The following DPYD variants were observed in gnomAD, a reference collection of about 807,000 sequenced individuals.
DPYD encodes dihydropyrimidine dehydrogenase [NADP(+)].
A neutral mutation model predicts 116.2 loss-of-function variants in DPYD; 109 were observed. That is an observed-to-expected ratio of 0.94 (90% CI 0.80 to 1.10). The LOEUF (loss-of-function observed/expected upper bound fraction) is 1.10, where lower values mean the gene tolerates loss of function less well. Ranked by LOEUF, DPYD falls within the 50% of genes least tolerant of loss-of-function variation. DPYD has a pLI of 0.00. For missense variants in DPYD, 1,302 were observed against 1,254.5 expected (o/e 1.04, Z -0.57); for synonymous variants, 440 against 432.0 (o/e 1.02, Z -0.23).
At chr1:97,476,809 A>T (rs1677993215) in intron 13 of DPYD, among the ~76,000 whole-genome samples, 3 of 152,352 alleles carry the variant, frequency 2.0e-5, no homozygotes, top group Admixed American at 1.3e-4. Context: ...AGACCATCAC[A>T]ATCAAGTGAA....
intron 20 of DPYD, among the ~76,000 whole-genome samples, chr1:97,155,999 T>G (rs1308842958): frequency 1.4e-5 from 1 of 73,864 alleles, no homozygotes; most frequent in Non-Finnish European, 2.3e-5. Flanking sequence ...TTCAACAACC[T>G]CTGGTGATGA....
chr1:97,906,474 G>C (rs931702366), intron 1 of DPYD, among the ~76,000 whole-genome samples: 1 of 151,972 alleles, frequency 6.6e-6, no homozygotes, highest in East Asian at 1.9e-4. Context: ...TTTCTAACCA[G>C]ACTCTAAGTG....
chr1:97,798,941 C>G lies in DPYD; in HGVS notation c.233+29173G>C, dbSNP rs912729492. Among the ~76,000 whole-genome samples, 15 of 152,040 alleles carry G rather than the reference C, an allele frequency of 9.9e-5. No individual in the cohort carries two copies. The East Asian group carries it at 2.9e-3, about 29-fold the overall frequency. On this transcript the variant is annotated intron_variant, in intron 3 of 22. Coordinates refer to ENST00000370192, the MANE Select transcript of DPYD (RefSeq NM_000110.4). ...GACAGGAGTATAAAGTCCAGCCTTG[C>G]CACTTATGAGACTCCCATCTTCAAA... is the stretch of plus-strand genomic sequence containing the variant.
At chr1:97,085,210 GA>G (rs1413813704) in intron 21 of DPYD, among the ~76,000 whole-genome samples, 2 of 152,128 alleles carry the variant, frequency 1.3e-5, no homozygotes, top group Admixed American at 1.3e-4. Context: ...CACTGAATCA[GA>G]TAATGGTGAC....
intron 20 of DPYD, among the ~76,000 whole-genome samples, chr1:97,153,141 C>T (rs1306690371): frequency 6.6e-6 from 1 of 151,970 alleles, no homozygotes; most frequent in Non-Finnish European, 1.5e-5. Flanking sequence ...TTCTCTGTAG[C>T]TTAATATGAG....
intron 19 of DPYD, among the ~76,000 whole-genome samples, chr1:97,201,368 T>C (rs762800516): frequency 7.9e-5 from 12 of 152,150 alleles, no homozygotes; most frequent in Non-Finnish European, 1.5e-4. Context: ...AATCAATAAT[T>C]ACTCACGGAA....
At chr1:97,490,473 T>C (rs1678912309) in intron 13 of DPYD, among the ~76,000 whole-genome samples, 1 of 87,942 alleles carries the variant, frequency 1.1e-5, no homozygotes, top group Non-Finnish European at 2.3e-5. Flanking sequence ...TATACTATAA[T>C]AGTATATTGT....
At chr1:97,812,428 A>G (rs568940809) in intron 3 of DPYD, among the ~76,000 whole-genome samples, 4 of 152,234 alleles carry the variant, frequency 2.6e-5, no homozygotes, top group East Asian at 1.9e-4. Flanking sequence ...AAAATATTCA[A>G]TCTGAATCAT....
At chr1:97,547,002 G>T in intron 12 of DPYD, 2 of 1,563,286 alleles carry the variant, frequency 1.3e-6, no homozygotes, top group South Asian at 2.2e-5. Flanking sequence ...GCACATATTT[G>T]CAATTTTTTG....
intron 14 of DPYD, among the ~76,000 whole-genome samples, chr1:97,427,231 G>C (rs191055393): frequency 5.3e-5 from 8 of 151,856 alleles, no homozygotes; most frequent in Admixed American, 5.3e-4. Flanking sequence ...ATATTTGTTG[G>C]TACTATCCAT....
chr1:97,679,310 T>G (rs1360073254), intron 7 of DPYD, 128 bp from the exon 8 acceptor site: 1 of 569,304 alleles, frequency 1.8e-6, no homozygotes, highest in Non-Finnish European at 3.2e-6. Flanking sequence ...TGTGACAACA[T>G]TTTTGTCTTT....
chr1:97,096,518 G>T (rs1650258479), intron 21 of DPYD, among the ~76,000 whole-genome samples: 1 of 152,146 alleles, frequency 6.6e-6, no homozygotes, highest in African/African-American at 2.4e-5. Context: ...CCTGGGTCCA[G>T]TGGGACTTGG....
intron 16 of DPYD, among the ~76,000 whole-genome samples, chr1:97,362,553 TATTA>T (rs1183548381): frequency 6.6e-6 from 1 of 152,154 alleles, no homozygotes; most frequent in Non-Finnish European, 1.5e-5. Flanking sequence ...CTTCAAACTC[TATTA>T]CAAGGCTACA....
intron 16 of DPYD, among the ~76,000 whole-genome samples, chr1:97,342,032 A>G (rs1274531741): frequency 6.6e-6 from 1 of 152,216 alleles, no homozygotes; most frequent in Admixed American, 6.5e-5. Context: ...TAGTGAGAAG[A>G]AATAAACTGG....
chr1:97,173,303 CAT>C lies in DPYD; in HGVS notation c.2622+19764_2622+19765del, dbSNP rs1491441341. ...GCACACATATATGTACACATATGTA[CAT>C]ATATATGCACACATATATACACATA... On this transcript the variant is annotated intron_variant, in intron 20 of 22. Coordinates refer to ENST00000370192, the MANE Select transcript of DPYD (RefSeq NM_000110.4). Among the ~76,000 whole-genome samples the C allele has an allele frequency of 4.3e-3, 379 of 87,912 alleles. 3 individuals are homozygous for C. Among genetic ancestry groups the C allele is most frequent in the African/African-American group, 0.017 (342 of 20,166 alleles). The allele number at this position is 87,912 out of a possible 152,430, so 57.7% of individuals were successfully genotyped here.
At chr1:97,908,645 T>A (rs1170501801) in intron 1 of DPYD, among the ~76,000 whole-genome samples, 2 of 152,022 alleles carry the variant, frequency 1.3e-5, no homozygotes, top group Non-Finnish European at 2.9e-5. Context: ...TTGGTTATAG[T>A]CTTGACTTTA....
chr1:97,222,557 C>A (rs1047129989), intron 19 of DPYD, among the ~76,000 whole-genome samples: 1 of 152,012 alleles, frequency 6.6e-6, no homozygotes, highest in Admixed American at 6.6e-5. Flanking sequence ...GCACTAGAAT[C>A]AAGATGCTTT....
intron 3 of DPYD, among the ~76,000 whole-genome samples, chr1:97,771,457 C>T (rs1041133821): frequency 6.6e-6 from 1 of 152,002 alleles, no homozygotes; most frequent in Admixed American, 6.6e-5. Context: ...CACAAAAAGA[C>T]ATGCATACAG....
chr1:97,298,709 T>C (rs1283497632), intron 18 of DPYD, among the ~76,000 whole-genome samples: 1 of 152,120 alleles, frequency 6.6e-6, no homozygotes, highest in African/African-American at 2.4e-5. Flanking sequence ...CTTAGGGATT[T>C]AGGACGACGA....
Sources: allele counts gnomAD v4.1 joint callset (sites outside exome capture counted in the v4.1 genomes callset), GRCh38; gene constraint gnomAD v4.1.1; transcripts MANE v1.5; gene names NCBI Gene and HGNC (gene_info 2026-07-23, HGNC 2026-07-21).